Variants in TP73 observed in about 807,000 individuals in gnomAD.
TP73 encodes the protein p53-like transcription factor.
TP73 carries 25 observed loss-of-function variants against 62.5 expected under a neutral mutation model. The ratio of observed to expected loss-of-function variants is 0.40; its 90% confidence interval spans 0.29 to 0.56. The LOEUF (loss-of-function observed/expected upper bound fraction) is 0.56. TP73 is among the 20% of genes least tolerant of loss of function. The pLI is 0.46. For missense variants in TP73, 754 were observed against 913.3 expected (o/e 0.83, Z 2.25); for synonymous variants, 423 against 377.5 (o/e 1.12, Z -1.40).
rs191873141 is a variant in TP73, at chr1:3,658,771, G to A, written c.-34+6130G>A. 3.4e-3 allele frequency among the ~76,000 whole-genome samples: 516 copies of A among 150,512 alleles called. 6 individuals carry two copies. Among genetic ancestry groups the A allele is most frequent in the South Asian group, 0.012 (57 of 4,760 alleles). The stretch of plus-strand genomic sequence containing the variant: ...TCAACATGGCATATTTTGGGGTGAC[G>A]TATTCTGGTCTCCTACAGTCATATT... On this transcript the variant is annotated intron_variant, in intron 1 of 13. Coordinates refer to ENST00000378295, the MANE Select transcript of TP73 (RefSeq NM_005427.4).
intron 9 of TP73, 38 bp downstream of exon 9, chr1:3,728,255 C>T (rs1371789552): frequency 4.4e-6 from 7 of 1,594,934 alleles, no homozygotes; most frequent in East Asian, 2.2e-5. Context: ...GGGAGACCTG[C>T]CTCACCTCTG....
chr1:3,726,830 T>G (rs2124514918), intron 6 of TP73, among the ~76,000 whole-genome samples: 1 of 141,840 alleles, frequency 7.1e-6, no homozygotes, highest in Non-Finnish European at 1.5e-5. Flanking sequence ...GATGGATGGA[T>G]AGATGGGTGG....
chr1:3,669,855 G>A (rs1334441828), intron 1 of TP73, among the ~76,000 whole-genome samples: 2 of 152,216 alleles, frequency 1.3e-5, no homozygotes, highest in African/African-American at 2.4e-5. Context: ...TTGCTGTGAG[G>A]AGGGCAGAGT....
chr1:3,711,249 G>C (rs1302641316), intron 4 of TP73, among the ~76,000 whole-genome samples: 2 of 152,260 alleles, frequency 1.3e-5, no homozygotes, highest in African/African-American at 4.8e-5. Context: ...GTGCAGTGCT[G>C]ATGGTGACAC....
At chr1:3,682,532 T>G in intron 2 of TP73, 102 bp downstream of exon 2, 1 of 1,195,828 alleles carries the variant, frequency 8.4e-7, no homozygotes. Context: ...GCAGGAGGGG[T>G]GGCCCCGGGA....
intron 6 of TP73, among the ~76,000 whole-genome samples, chr1:3,725,099 T>C (rs1470382792): frequency 6.6e-6 from 1 of 151,516 alleles, no homozygotes; most frequent in East Asian, 1.9e-4. Context: ...TGGGGGTGGG[T>C]TCGCTGGGGA....
chr1:3,721,397 G>A (rs1641058672), intron 4 of TP73, among the ~76,000 whole-genome samples: 1 of 152,238 alleles, frequency 6.6e-6, no homozygotes, highest in South Asian at 2.1e-4. Context: ...ACACAGCTCG[G>A]CTGCTCAGAC....
intron 3 of TP73, among the ~76,000 whole-genome samples, chr1:3,685,425 T>G (rs1242266737): frequency 6.6e-6 from 1 of 152,102 alleles, no homozygotes; most frequent in Non-Finnish European, 1.5e-5. Context: ...CCCAAAGCCA[T>G]GTATGAAATT....
chr1:3,734,164 G>A lies in TP73; in HGVS notation c.*1085G>A, dbSNP rs1052605796. 1 of 152,324 alleles carries A rather than the reference G, an allele frequency of 6.6e-6. No individual in the cohort carries two copies. The highest frequency in any genetic ancestry group is 1.5e-5 in the Non-Finnish European group (1 of 68,166). The allele number at this position is 152,324 out of a possible 1,614,324, so 9.4% of individuals were successfully genotyped here. On this transcript the variant is annotated 3_prime_UTR_variant, in exon 14 of 14. Coordinates refer to ENST00000378295, the MANE Select transcript of TP73 (RefSeq NM_005427.4). This position sits in a 1 kb window ranked among gnomAD's most constrained non-coding sequence, Gnocchi z 4.4. ...CGGCCACCTTCTCTAGCACTGCAAG[G>A]TCCACAGGGCATTGCTTTCCTTTCT... is the stretch of plus-strand genomic sequence containing the variant.
chr1:3,660,382 A>G (rs956267347), intron 1 of TP73, among the ~76,000 whole-genome samples: 2 of 152,222 alleles, frequency 1.3e-5, no homozygotes, highest in Non-Finnish European at 2.9e-5. Flanking sequence ...CCTTAAAGCT[A>G]CTCACATCTG....
At position 3,663,547 on chromosome 1, in the gene TP73, C is replaced by T. The variant is rs952164853; in HGVS notation, c.-34+10906C>T. ...TGGCTCACACGGTGAAACCCCATCT[C>T]TACTAAAAAATACAAAAAATTAGCC... is the stretch of plus-strand genomic sequence containing the variant. On this transcript the variant is annotated intron_variant, in intron 1 of 13. Coordinates refer to ENST00000378295, the MANE Select transcript of TP73 (RefSeq NM_005427.4). This position sits in a 1 kb window ranked among gnomAD's most constrained non-coding sequence, Gnocchi z 4.7. Among the ~76,000 whole-genome samples the T allele has an allele frequency of 2.0e-5, 3 of 152,032 alleles. No homozygotes were observed. The highest frequency in any genetic ancestry group is 7.2e-5 in the African/African-American group (3 of 41,382).
intron 1 of TP73, chr1:3,659,161 T>G (rs1378331205): frequency 8.0e-6 from 1 of 125,758 alleles, no homozygotes; most frequent in Non-Finnish European, 1.6e-5. Context: ...GAAGAGGCAT[T>G]TCTATGGAAA....
intron 7 of TP73, 22 bp downstream of exon 7, chr1:3,727,246 T>A (rs750751296): frequency 3.7e-6 from 6 of 1,605,044 alleles, no homozygotes; most frequent in Non-Finnish European, 5.1e-6. Flanking sequence ...GCACACGGGG[T>A]GGAGGTGGGA....
At chr1:3,686,378 A>G (rs1443718253) in intron 3 of TP73, among the ~76,000 whole-genome samples, 3 of 152,186 alleles carry the variant, frequency 2.0e-5, no homozygotes, top group Non-Finnish European at 4.4e-5. Flanking sequence ...AAGCTCCCAC[A>G]ATTCTCTGAG....
At chr1:3,659,314 A>G (rs529828189) in intron 1 of TP73, 24 of 152,280 alleles carry the variant, frequency 1.6e-4, no homozygotes, top group African/African-American at 5.3e-4. Context: ...TGGGCGGCCC[A>G]CGCAGCAACA....
At chr1:3,677,690 CT>C (rs1196146698) in intron 1 of TP73, among the ~76,000 whole-genome samples, 5,291 of 137,224 alleles carry the variant, frequency 0.039, 358 homozygotes, top group African/African-American at 0.14. Flanking sequence ...CCTTCCTTCC[CT>C]TTTTTTTTTT....
chr1:3,695,720 G>T (rs1358257075), intron 3 of TP73, among the ~76,000 whole-genome samples: 4 of 152,256 alleles, frequency 2.6e-5, no homozygotes, highest in Non-Finnish European at 5.9e-5. Context: ...TACTCTGTAC[G>T]TGGGGCTACG....
In TP73 at chr1:3,690,852, C is replaced by T. The variant is rs1265322932; in HGVS notation, c.186+7672C>T. The T allele has an allele frequency of 7.1e-6, 11 of 1,553,440 alleles. No homozygotes were observed. In the Admixed American group the frequency reaches 2.1e-4, roughly 30 times the overall value. On this transcript the variant is annotated intron_variant, in intron 3 of 13. Coordinates refer to ENST00000378295, the MANE Select transcript of TP73 (RefSeq NM_005427.4). Reference sequence around the variant, plus strand: ...CCCCTCGGGCCGCCCAGATCCATGCCTCGTCCCACGGGACACCAGTTCCCT... The same window carrying T: ...CCCCTCGGGCCGCCCAGATCCATGCTTCGTCCCACGGGACACCAGTTCCCT...
In TP73 at chr1:3,690,895, C is replaced by T. The variant is rs773690131; in HGVS notation, c.186+7715C>T. 2.7e-5 allele frequency: 42 copies of T among 1,572,812 alleles called. 1 individual carries two copies. Among genetic ancestry groups the T allele is most frequent in the South Asian group, 5.8e-5 (5 of 85,772 alleles). On this transcript the variant is annotated intron_variant, in intron 3 of 13. Coordinates refer to ENST00000378295, the MANE Select transcript of TP73 (RefSeq NM_005427.4). ...AGTTCCCTGGCGTGTGCAGACCCCC[C>T]GGCGCCTACCATGCTGTACGTCGGT...
Sources: allele counts gnomAD v4.1 joint callset (sites outside exome capture counted in the v4.1 genomes callset), GRCh38; gene constraint gnomAD v4.1.1; non-coding constraint Gnocchi (gnomAD v3.1); transcripts MANE v1.5; gene names NCBI Gene and HGNC (gene_info 2026-07-23, HGNC 2026-07-21).